The following TYW1 variants were observed in gnomAD, a reference collection of about 807,000 sequenced individuals.
TYW1 encodes the protein tRNA-yW synthesizing protein 1 homolog, also known as S-adenosyl-L-methionine-dependent tRNA 4-demethylwyosine synthase TYW1.
A neutral mutation model predicts 96.2 loss-of-function variants in TYW1; 46 were observed. That is an observed-to-expected ratio of 0.48 (90% CI 0.38 to 0.61). The LOEUF is 0.61. Ranked by LOEUF, TYW1 falls within the 20% of genes least tolerant of loss-of-function variation. The pLI is 0.00. For missense variants in TYW1, 684 were observed against 909.6 expected (o/e 0.75, Z 3.19); for synonymous variants, 274 against 323.0 (o/e 0.85, Z 1.63).
At chr7:67,201,088 G>A (rs895101980) in intron 15 of TYW1, among the ~76,000 whole-genome samples, 9 of 152,028 alleles carry the variant, frequency 5.9e-5, no homozygotes, top group African/African-American at 1.9e-4. Flanking sequence ...GTGCCACAGT[G>A]AAGATTTGTG....
chr7:67,008,739 T>C (rs1322395888), intron 3 of TYW1, among the ~76,000 whole-genome samples: 1 of 152,226 alleles, frequency 6.6e-6, no homozygotes, highest in Non-Finnish European at 1.5e-5. Context: ...CTTGGCTCAC[T>C]GCAACCTCCG....
chr7:67,161,634 G>T (rs890236070), intron 13 of TYW1, among the ~76,000 whole-genome samples: 1 of 152,052 alleles, frequency 6.6e-6, no homozygotes, highest in Non-Finnish European at 1.5e-5. Context: ...GATGTCTCAG[G>T]AGATGAATTT....
rs190289008 is a variant in TYW1, at chr7:67,003,671, A to G, written c.273+4717A>G. Among the ~76,000 whole-genome samples, 181 of 152,310 alleles carry G rather than the reference A, an allele frequency of 1.2e-3. 2 individuals are homozygous for G. Among genetic ancestry groups the G allele is most frequent in the African/African-American group, 4.0e-3 (167 of 41,574 alleles). On this transcript the variant is annotated intron_variant, in intron 3 of 15. Coordinates refer to ENST00000359626, the MANE Select transcript of TYW1 (RefSeq NM_018264.4). ...GAAGTTGCTGGGCAGATGTCCTTGC[A>G]GTAGTATTTTTTGTGTAAGGTTGCA...
chr7:67,214,938 G>T, intron 15 of TYW1, among the ~76,000 whole-genome samples: 1 of 151,202 alleles, frequency 6.6e-6, no homozygotes. Flanking sequence ...TGTGTTTATG[G>T]CAATTATTGT....
At chr7:67,219,892 A>T (rs1801328790) in intron 15 of TYW1, among the ~76,000 whole-genome samples, 3 of 137,054 alleles carry the variant, frequency 2.2e-5, no homozygotes, top group African/African-American at 2.7e-5. Context: ...CTCTGCTCTA[A>T]TCTTTATTAT....
At chr7:67,000,445 C>A (rs564747752) in intron 3 of TYW1, among the ~76,000 whole-genome samples, 2 of 151,970 alleles carry the variant, frequency 1.3e-5, no homozygotes, top group African/African-American at 4.8e-5. Context: ...ATTACAGGTG[C>A]CTGCCATCAC....
chr7:67,230,377 G>A (rs1801712145), intron 15 of TYW1, among the ~76,000 whole-genome samples: 1 of 119,900 alleles, frequency 8.3e-6, no homozygotes, highest in African/African-American at 3.7e-5. Flanking sequence ...CTTGGATACA[G>A]TCACCACTAT....
chr7:67,156,583 G>A (rs1032776659), intron 13 of TYW1, among the ~76,000 whole-genome samples: 18 of 152,258 alleles, frequency 1.2e-4, no homozygotes, highest in East Asian at 9.7e-4. Flanking sequence ...GTTTCCCAAG[G>A]CATAGGACAT....
At chr7:67,207,683 T>TC (rs1554393582) in intron 15 of TYW1, among the ~76,000 whole-genome samples, 10 of 111,674 alleles carry the variant, frequency 9.0e-5, no homozygotes, top group Middle Eastern at 4.9e-3. Context: ...TTGTTTGCCT[T>TC]TTTTTTTTTT....
At chr7:67,225,533 C>G (rs1801534385) in intron 15 of TYW1, among the ~76,000 whole-genome samples, 1 of 152,106 alleles carries the variant, frequency 6.6e-6, no homozygotes, top group Admixed American at 6.6e-5. Context: ...TCACCACCCC[C>G]ACACCCTCCC....
rs1554386064 is a variant in TYW1, at chr7:67,179,865, A to ATAT, written c.1699-3260_1699-3259insATT. On this transcript the variant is annotated intron_variant, in intron 13 of 15. Coordinates refer to ENST00000359626, the MANE Select transcript of TYW1 (RefSeq NM_018264.4). The stretch of plus-strand genomic sequence containing the variant: ...ATTAGGAATATATATATATATATAT[A>ATAT]TTTTTTTTTTTTGGCGGGGGACAGG... 8.9e-4 allele frequency among the ~76,000 whole-genome samples: 78 copies of ATAT among 87,186 alleles called. 10 individuals carry two copies. The highest frequency in any genetic ancestry group is 3.1e-3 in the South Asian group (8 of 2,546). 57.2% of individuals were successfully genotyped at this position (87,186 alleles called of 152,430 possible).
At chr7:67,209,919 T>G (rs1800943996) in intron 15 of TYW1, among the ~76,000 whole-genome samples, 1 of 152,144 alleles carries the variant, frequency 6.6e-6, no homozygotes, top group South Asian at 2.1e-4. Context: ...AGTTTTTGAT[T>G]TACAGAAAAA....
chr7:67,150,954 A>G (rs1258126653), intron 13 of TYW1, among the ~76,000 whole-genome samples: 1 of 152,248 alleles, frequency 6.6e-6, no homozygotes, highest in Non-Finnish European at 1.5e-5. Context: ...AGTTACCTAT[A>G]GTGCACCCAC....
intron 3 of TYW1, among the ~76,000 whole-genome samples, chr7:67,003,608 G>A (rs1010129586): frequency 3.3e-5 from 5 of 151,922 alleles, no homozygotes; most frequent in African/African-American, 1.2e-4. Flanking sequence ...TGCCTACAAA[G>A]GTTAATAACA....
chr7:67,175,797 A>G (rs1799654124), intron 13 of TYW1, among the ~76,000 whole-genome samples: 1 of 152,226 alleles, frequency 6.6e-6, no homozygotes, highest in Non-Finnish European at 1.5e-5. Context: ...TGATATATTT[A>G]CCCATAAAAG....
chr7:67,220,483 C>A (rs1254543474), intron 15 of TYW1, among the ~76,000 whole-genome samples: 4 of 151,566 alleles, frequency 2.6e-5, no homozygotes, highest in Non-Finnish European at 4.4e-5. Flanking sequence ...GATTACAGGC[C>A]TAAGCCACCA....
At chr7:67,129,775 T>C (rs1798008030) in intron 13 of TYW1, among the ~76,000 whole-genome samples, 1 of 152,228 alleles carries the variant, frequency 6.6e-6, no homozygotes, top group Non-Finnish European at 1.5e-5. Flanking sequence ...TTTTTGTCTT[T>C]GTGAATTCTC....
rs571974246 is a variant in TYW1, at chr7:67,048,752, T to C, written c.985-1197T>C. On this transcript the variant is annotated intron_variant, in intron 7 of 15. Coordinates refer to ENST00000359626, the MANE Select transcript of TYW1 (RefSeq NM_018264.4). ...TATATTATCCTTTGGATTTCTTAAG[T>C]GTTTCTTTTTCTATCACTGAAGAAA... 5.3e-5 allele frequency among the ~76,000 whole-genome samples: 8 copies of C among 152,366 alleles called. No individual in the cohort carries two copies. The East Asian group carries it at 9.6e-4, about 18-fold the overall frequency.
chr7:67,059,154 C>T (rs944809851), intron 9 of TYW1, among the ~76,000 whole-genome samples: 18 of 143,950 alleles, frequency 1.3e-4, no homozygotes, highest in African/African-American at 4.1e-4. Flanking sequence ...GGCTGGAGTG[C>T]AGTGGTGTGA....
Sources: gnomAD v4.1 joint callset for allele counts (sites outside exome capture counted in the v4.1 genomes callset) on GRCh38, gnomAD v4.1.1 for gene constraint, MANE v1.5 for transcripts, NCBI Gene and HGNC (gene_info 2026-07-23, HGNC 2026-07-21) for gene names.